KCNK10: variants seen among roughly 807,000 people sequenced by gnomAD.
The protein encoded by KCNK10 is potassium two pore domain channel subfamily K member 10.
KCNK10 carries 25 observed loss-of-function variants against 47.7 expected under a neutral mutation model. That is an observed-to-expected ratio of 0.52 (90% CI 0.38 to 0.73). The LOEUF is 0.73. Among genes scored for constraint, KCNK10 ranks in the 30% least tolerant of loss-of-function variants. The pLI is 0.00. For missense variants in KCNK10, 563 were observed against 714.5 expected (o/e 0.79, Z 2.42); for synonymous variants, 303 against 285.6 (o/e 1.06, Z -0.61).
At chr14:88,292,990 T>C (rs1000307872) in intron 1 of KCNK10, among the ~76,000 whole-genome samples, 16 of 80,582 alleles carry the variant, frequency 2.0e-4, no homozygotes, top group African/African-American at 6.7e-4. Flanking sequence ...CTTTTGAATA[T>C]CTGAAAAAAA....
In KCNK10 at chr14:88,186,164, G is replaced by A. The variant is rs1232808321; in HGVS notation, c.1012-9C>T. ...GCCTTGATTTCACCCACCTGGCCAA[G>A]AGACAGAAGAGCAACAATATGCTGA... On this transcript the variant is annotated splice_polypyrimidine_tract_variant and intron_variant, in intron 6 of 6. Transcript: ENST00000319231. This position sits in a 1 kb window ranked among gnomAD's most constrained non-coding sequence, Gnocchi z 5.5. The A allele has an allele frequency of 6.4e-7, 1 of 1,566,952 alleles. No individual in the cohort carries two copies. The highest frequency in any genetic ancestry group is 1.2e-5 in the South Asian group (1 of 83,364).
intron 4 of KCNK10, among the ~76,000 whole-genome samples, chr14:88,211,728 T>G (rs939449035): frequency 2.6e-5 from 4 of 151,770 alleles, no homozygotes; most frequent in Non-Finnish European, 5.9e-5. Context: ...AAACCCCGTC[T>G]CTACTAAAAA....
chr14:88,285,106 GTGTT>G (rs374565637), intron 1 of KCNK10, among the ~76,000 whole-genome samples: 6 of 152,064 alleles, frequency 3.9e-5, no homozygotes, highest in Admixed American at 2.0e-4. Flanking sequence ...GTTTTAAATA[GTGTT>G]TGTTTGTTTG....
At chr14:88,269,679 T>C (rs1192288757) in intron 1 of KCNK10, among the ~76,000 whole-genome samples, 2 of 152,152 alleles carry the variant, frequency 1.3e-5, no homozygotes, top group African/African-American at 2.4e-5. Context: ...TCAAGCGACC[T>C]GCCAGCATCG....
At chr14:88,315,098 G>A (rs1038222489) in intron 1 of KCNK10, among the ~76,000 whole-genome samples, 6 of 152,110 alleles carry the variant, frequency 3.9e-5, no homozygotes, top group African/African-American at 1.4e-4. Context: ...CTGTACAGAG[G>A]GTGACATTTT....
intron 1 of KCNK10, among the ~76,000 whole-genome samples, chr14:88,286,679 G>A (rs1283034872): frequency 2.0e-5 from 3 of 152,170 alleles, no homozygotes; most frequent in Non-Finnish European, 2.9e-5. Context: ...TGAAAGGCAC[G>A]TCTTTCTTGG....
intron 2 of KCNK10, among the ~76,000 whole-genome samples, chr14:88,243,041 A>C (rs1233822301): frequency 6.6e-6 from 1 of 152,262 alleles, no homozygotes; most frequent in Non-Finnish European, 1.5e-5. Context: ...AGATTTGCAC[A>C]AAAGACAATG....
At chr14:88,201,584 C>T (rs1199726464) in intron 4 of KCNK10, among the ~76,000 whole-genome samples, 1 of 151,866 alleles carries the variant, frequency 6.6e-6, no homozygotes, top group Non-Finnish European at 1.5e-5. Flanking sequence ...CGCTTGAACC[C>T]GGGAGGCAGA....
chr14:88,198,201 A>AAC (rs540572489), intron 4 of KCNK10, among the ~76,000 whole-genome samples: 48 of 152,194 alleles, frequency 3.2e-4, no homozygotes, highest in Non-Finnish European at 6.2e-4. Context: ...GAGGCAGGAA[A>AAC]ACTCATAAGC....
At chr14:88,236,573 A>T (rs900452105) in intron 3 of KCNK10, among the ~76,000 whole-genome samples, 9 of 152,214 alleles carry the variant, frequency 5.9e-5, no homozygotes, top group African/African-American at 2.2e-4. Context: ...ACAAATGCAA[A>T]TATCAGGGTA....
chr14:88,254,048 T>C (rs2139907681), intron 2 of KCNK10, among the ~76,000 whole-genome samples: 1 of 152,092 alleles, frequency 6.6e-6, no homozygotes, highest in South Asian at 2.1e-4. Context: ...CCCAAAAGGC[T>C]CATGCTCCAG....
At position 88,226,856 on chromosome 14, in the gene KCNK10, G is replaced by A. The variant is rs1400859955; in HGVS notation, c.681+519C>T. On this transcript the variant is annotated intron_variant, in intron 4 of 6. Transcript: ENST00000319231. ...TAGTACATCAGGATGCCATTTCTGA[G>A]GGAGCACTCAGCAGTGAGAGATGGG... Among the ~76,000 whole-genome samples the A allele has an allele frequency of 2.0e-5, 3 of 152,210 alleles. No individual in the cohort carries two copies. In the East Asian group the frequency reaches 5.8e-4, roughly 29 times the overall value.
At chr14:88,205,011 T>C (rs35257221) in intron 4 of KCNK10, among the ~76,000 whole-genome samples, 33,046 of 152,170 alleles carry the variant, frequency 0.22, 4,678 homozygotes, top group Non-Finnish European at 0.31. Context: ...ATAGTTTCCC[T>C]AGCCTAAAAA....
intron 4 of KCNK10, among the ~76,000 whole-genome samples, chr14:88,198,921 T>TTTTATTTTA (rs1566682024): frequency 6.7e-6 from 1 of 150,356 alleles, no homozygotes; most frequent in African/African-American, 2.5e-5. Flanking sequence ...TTTTATTTTA[T>TTTTATTTTA]TTTATTTTAT....
rs906701421 is a variant in KCNK10 at position 88,322,129 on chromosome 14, C to T, written c.52+618G>A. 6.6e-6 allele frequency among the ~76,000 whole-genome samples: 1 copy of T among 152,162 alleles called. No homozygotes were observed. Among genetic ancestry groups the T allele is most frequent in the Non-Finnish European group, 1.5e-5 (1 of 68,028 alleles). On this transcript the variant is annotated intron_variant, in intron 1 of 6. Transcript: ENST00000319231. The surrounding 1 kb of genome is among the most constrained non-coding windows in gnomAD (Gnocchi z 4.8). ...TGCCTTGCCAGCCCCACCCTTCTCA[C>T]AAACCACCCCTCCTCCTGCTTCTAC... is the stretch of plus-strand genomic sequence containing the variant.
chr14:88,270,754 G>A (rs1887386324), intron 1 of KCNK10: 2 of 780,926 alleles, frequency 2.6e-6, no homozygotes, highest in African/African-American at 3.4e-5. Flanking sequence ...CACTGCGACA[G>A]CCTTCAGTCC....
At chr14:88,220,711 T>G (rs1013365906) in intron 4 of KCNK10, among the ~76,000 whole-genome samples, 4 of 151,800 alleles carry the variant, frequency 2.6e-5, no homozygotes, top group African/African-American at 4.8e-5. Flanking sequence ...AAAATCAACT[T>G]AAAAGTGATC....
In KCNK10 at chr14:88,186,565, T is replaced by C. The variant is rs570775929; in HGVS notation, c.1012-410A>G. Reference sequence around the variant, plus strand: ...ATATAGCTCACCTGAGACAAGGAAATGCACCTCACTCAGTCCTGGGCACAG... The same window carrying C: ...ATATAGCTCACCTGAGACAAGGAAACGCACCTCACTCAGTCCTGGGCACAG... On this transcript the variant is annotated intron_variant, in intron 6 of 6. Transcript: ENST00000319231. This position sits in a 1 kb window ranked among gnomAD's most constrained non-coding sequence, Gnocchi z 5.5. Among the ~76,000 whole-genome samples, 1 of 152,116 alleles carries C rather than the reference T, an allele frequency of 6.6e-6. No individual in the cohort carries two copies. The highest frequency in any genetic ancestry group is 6.5e-5 in the Admixed American group (1 of 15,274).
chr14:88,275,389 A>G lies in KCNK10; in HGVS notation c.53-11838T>C, dbSNP rs1595118460. On this transcript the variant is annotated intron_variant, in intron 1 of 6. Transcript: ENST00000319231. Reference sequence around the variant, plus strand: ...CCCACACACAACCCAGCCAAGACCCAAGCCTCCCATTTCCTTGAATTTATC... The same window carrying G: ...CCCACACACAACCCAGCCAAGACCCGAGCCTCCCATTTCCTTGAATTTATC... Among the ~76,000 whole-genome samples, 6 of 152,002 alleles carry G rather than the reference A, an allele frequency of 3.9e-5. No individual in the cohort carries two copies. The East Asian group carries it at 1.2e-3, about 29-fold the overall frequency.
Sources: gnomAD v4.1 joint callset for allele counts (sites outside exome capture counted in the v4.1 genomes callset) on GRCh38, gnomAD v4.1.1 for gene constraint, Gnocchi (gnomAD v3.1) non-coding constraint, MANE v1.5 for transcripts, NCBI Gene and HGNC (gene_info 2026-07-23, HGNC 2026-07-21) for gene names.